Variants in VPS13B observed in about 807,000 individuals in gnomAD.
The protein encoded by VPS13B is vacuolar protein sorting 13 homolog B, also known as intermembrane lipid transfer protein VPS13B.
In VPS13B, 285 loss-of-function variants were observed where a neutral mutation model predicts 426.4. The observed-to-expected ratio is 0.67, with a 90% CI of 0.61 to 0.74. The LOEUF (loss-of-function observed/expected upper bound fraction) is 0.74, where lower values mean the gene tolerates loss of function less well. VPS13B is among the 30% of genes least tolerant of loss of function. VPS13B has a pLI of 0.00. For missense variants in VPS13B, 4,537 were observed against 4,782.6 expected, an observed-to-expected ratio of 0.95 and a Z score of 1.51; for synonymous variants, 1,676 against 1,676.4, an observed-to-expected ratio of 1.00 and a Z score of 0.01.
At chr8:99,794,399 C>T (rs983365323) in intron 43 of VPS13B, among the ~76,000 whole-genome samples, 1 of 152,138 alleles carries the variant, frequency 6.6e-6, no homozygotes, top group African/African-American at 2.4e-5. Flanking sequence ...TAGACATTTC[C>T]ATGTATAAAA....
intron 3 of VPS13B, among the ~76,000 whole-genome samples, chr8:99,044,867 C>T (rs1843144244): frequency 1.3e-5 from 2 of 148,896 alleles, no homozygotes; most frequent in Middle Eastern, 3.2e-3. Context: ...CACACACACA[C>T]ACACACACAC....
chr8:99,142,808 T>A (rs1434979117), intron 12 of VPS13B, among the ~76,000 whole-genome samples, 166 bp from the exon 13 acceptor site: 3 of 152,228 alleles, frequency 2.0e-5, no homozygotes, highest in Non-Finnish European at 4.4e-5. Flanking sequence ...TAATTTATTA[T>A]ATGCACAGAG....
intron 43 of VPS13B, among the ~76,000 whole-genome samples, chr8:99,791,116 T>C (rs1588714085): frequency 6.6e-6 from 1 of 151,214 alleles, no homozygotes; most frequent in Non-Finnish European, 1.5e-5. Flanking sequence ...ACAAGGGAGG[T>C]ATATATAAAC....
intron 30 of VPS13B, among the ~76,000 whole-genome samples, chr8:99,545,876 A>T (rs1346030201): frequency 1.3e-5 from 2 of 152,076 alleles, no homozygotes; most frequent in African/African-American, 4.8e-5. Context: ...TCAGGAAAAT[A>T]TATTAAATTT....
At chr8:99,060,130 G>A (rs1844102419) in intron 3 of VPS13B, among the ~76,000 whole-genome samples, 1 of 152,132 alleles carries the variant, frequency 6.6e-6, no homozygotes. Flanking sequence ...ACTGATACTT[G>A]TAGATGGATG....
At chr8:99,028,029 G>T (rs1842227680) in intron 2 of VPS13B, among the ~76,000 whole-genome samples, 2 of 152,220 alleles carry the variant, frequency 1.3e-5, no homozygotes, top group African/African-American at 4.8e-5. Flanking sequence ...AGGGTTGGGG[G>T]TAAGATCACA....
At chr8:99,524,170 AGACT>A (rs1327550075) in intron 30 of VPS13B, among the ~76,000 whole-genome samples, 1 of 152,114 alleles carries the variant, frequency 6.6e-6, no homozygotes, top group Non-Finnish European at 1.5e-5. Flanking sequence ...GCTTGAAGAC[AGACT>A]ATTTGAAAAT....
At chr8:99,195,078 C>T (rs867624037) in intron 17 of VPS13B, among the ~76,000 whole-genome samples, 2 of 152,116 alleles carry the variant, frequency 1.3e-5, no homozygotes, top group African/African-American at 4.8e-5. Flanking sequence ...ATCTCTTGAC[C>T]TCATGATCTG....
chr8:99,630,982 A>T (rs1245630614), intron 33 of VPS13B, among the ~76,000 whole-genome samples: 2 of 152,148 alleles, frequency 1.3e-5, no homozygotes, highest in Non-Finnish European at 2.9e-5. Flanking sequence ...AGCTTTTGAG[A>T]AGAAAAAAAT....
At chr8:99,813,377 C>G (rs1393384949) in intron 44 of VPS13B, among the ~76,000 whole-genome samples, 1 of 152,176 alleles carries the variant, frequency 6.6e-6, no homozygotes, top group Non-Finnish European at 1.5e-5. Flanking sequence ...TTCTAAATCT[C>G]CTGGGGTCCA....
chr8:99,649,402 C>T (rs1441650125), intron 34 of VPS13B, among the ~76,000 whole-genome samples: 2 of 152,042 alleles, frequency 1.3e-5, no homozygotes, highest in Non-Finnish European at 2.9e-5. Context: ...CTAAGACTCT[C>T]ATTTTTTTTT....
At chr8:99,260,019 A>C (rs7816323) in intron 17 of VPS13B, among the ~76,000 whole-genome samples, 111,256 of 151,880 alleles carry the variant, frequency 0.73, 41,480 homozygotes, top group South Asian at 0.86. Flanking sequence ...AGAGAGACAC[A>C]AGATACTATC....
intron 3 of VPS13B, among the ~76,000 whole-genome samples, chr8:99,085,808 G>A (rs945230001): frequency 2.4e-4 from 37 of 152,156 alleles, no homozygotes; most frequent in Non-Finnish European, 4.6e-4. Context: ...GATTTCTGCC[G>A]AGAGATCAGC....
chr8:99,162,241 T>C lies in VPS13B; in HGVS notation c.2208+5498T>C, dbSNP rs561022313. 3.9e-5 allele frequency among the ~76,000 whole-genome samples: 6 copies of C among 152,328 alleles called. No individual in the cohort carries two copies. The East Asian group carries it at 1.2e-3, about 29-fold the overall frequency. On this transcript the variant is annotated intron_variant, in intron 15 of 61. Transcript: ENST00000357162. ...TTCATATTACTTGGGTTGATTTTAGTAGCCTTTGAGGAAGTTTTTAAAGTT... is the reference window on the plus strand; with the variant it reads ...TTCATATTACTTGGGTTGATTTTAGCAGCCTTTGAGGAAGTTTTTAAAGTT...
chr8:99,071,294 G>T (rs1447097499), intron 3 of VPS13B, among the ~76,000 whole-genome samples: 3 of 152,178 alleles, frequency 2.0e-5, no homozygotes, highest in Non-Finnish European at 4.4e-5. Flanking sequence ...TTTGGTTGCT[G>T]CAGCTGTATC....
chr8:99,478,458 T>TG (rs1819843463), intron 24 of VPS13B, among the ~76,000 whole-genome samples: 10 of 133,304 alleles, frequency 7.5e-5, no homozygotes, highest in Admixed American at 4.1e-4. Flanking sequence ...TTTTTTTTTT[T>TG]TTTTTTTGTT....
intron 43 of VPS13B, among the ~76,000 whole-genome samples, chr8:99,803,294 C>G (rs1273655599): frequency 6.6e-6 from 1 of 152,160 alleles, no homozygotes; most frequent in Non-Finnish European, 1.5e-5. Context: ...GCTAATTGCA[C>G]AGTATTTGTG....
chr8:99,349,583 G>A (rs953764993), intron 19 of VPS13B, among the ~76,000 whole-genome samples: 10 of 151,990 alleles, frequency 6.6e-5, no homozygotes, highest in Admixed American at 6.5e-4. Flanking sequence ...TTTGGGACAC[G>A]CTTTTATTGT....
chr8:99,135,760 T>C (rs1420175791), intron 11 of VPS13B, 27 bp downstream of exon 11: 4 of 1,612,388 alleles, frequency 2.5e-6, no homozygotes, highest in Non-Finnish European at 3.4e-6. Context: ...TTGAACCAAA[T>C]TCTAGGCTGT....
Sources: gnomAD v4.1 joint callset for allele counts (sites outside exome capture counted in the v4.1 genomes callset) on GRCh38, gnomAD v4.1.1 for gene constraint, MANE v1.5 for transcripts, NCBI Gene and HGNC (gene_info 2026-07-23, HGNC 2026-07-21) for gene names.